The following TCF7L2 variants were observed in gnomAD, a reference collection of about 807,000 sequenced individuals.
TCF7L2 encodes the protein transcription factor 7 like 2, also known as transcription factor 7-like 2.
In TCF7L2, 23 loss-of-function variants were observed where a neutral mutation model predicts 77.9. That is an observed-to-expected ratio of 0.30 (90% CI 0.21 to 0.42). TCF7L2 has a LOEUF of 0.42. Among genes scored for constraint, TCF7L2 ranks in the 10% least tolerant of loss-of-function variants. TCF7L2 has a pLI of 1.00. For synonymous variants in TCF7L2, 413 were observed against 340.2 expected, an observed-to-expected ratio of 1.21 and a Z score of -2.36; for missense variants, 654 against 793.1, an observed-to-expected ratio of 0.82 and a Z score of 2.11.
At chr10:113,103,429 G>A (rs2061891326) in intron 5 of TCF7L2, among the ~76,000 whole-genome samples, 1 of 152,016 alleles carries the variant, frequency 6.6e-6, no homozygotes, top group Non-Finnish European at 1.5e-5. Flanking sequence ...TTCTACAATT[G>A]TTACCACCCA....
chr10:112,967,539 C>T (rs959966053), intron 4 of TCF7L2, among the ~76,000 whole-genome samples: 3 of 152,178 alleles, frequency 2.0e-5, no homozygotes, highest in Admixed American at 2.0e-4. Flanking sequence ...TTGACAGCCT[C>T]CTAGCTCCCC....
At chr10:113,160,379 T>G (rs1355634342) in intron 12 of TCF7L2, among the ~76,000 whole-genome samples, 2 of 152,140 alleles carry the variant, frequency 1.3e-5, no homozygotes, top group Non-Finnish European at 2.9e-5. Context: ...ATTTATTTTT[T>G]CATTGTTGTT....
chr10:113,142,476 G>T (rs1453022747), intron 6 of TCF7L2, among the ~76,000 whole-genome samples: 1 of 152,228 alleles, frequency 6.6e-6, no homozygotes, highest in Non-Finnish European at 1.5e-5. Context: ...GCTACCCAGT[G>T]TGTTGGTAGG....
At position 113,142,218 on chromosome 10, in the gene TCF7L2, T is replaced by G. The variant is rs2068509600; in HGVS notation, c.685+902T>G. ...CAGGTTTTCACCATGCTGGCCAGGC[T>G]GGTCTCGAACTCCTGACCACCTCGG... On this transcript the variant is annotated intron_variant, in intron 6 of 13. Transcript: ENST00000627217. Among the ~76,000 whole-genome samples the G allele has an allele frequency of 2.0e-5, 3 of 152,274 alleles. No individual in the cohort carries two copies. The South Asian group carries it at 6.2e-4, about 32-fold the overall frequency.
In TCF7L2 at chr10:113,079,556, A is replaced by T. The variant is rs188074178; in HGVS notation, c.552+39430A>T. On this transcript the variant is annotated intron_variant, in intron 5 of 13. Transcript: ENST00000627217. ...TGTTTCACTTTACAAAGTGGGGGGAACCCTCAACAATCTTTAAGAGATCCC... is the reference window on the plus strand; with the variant it reads ...TGTTTCACTTTACAAAGTGGGGGGATCCCTCAACAATCTTTAAGAGATCCC... Among the ~76,000 whole-genome samples the T allele has an allele frequency of 1.4e-4, 22 of 152,244 alleles. No homozygotes were observed. In the East Asian group the frequency reaches 4.3e-3, roughly 29 times the overall value.
chr10:113,026,791 G>T, intron 4 of TCF7L2, among the ~76,000 whole-genome samples: 1 of 152,302 alleles, frequency 6.6e-6, no homozygotes, highest in East Asian at 1.9e-4. Context: ...TGTGGTCAGA[G>T]CTGGTTGGGA....
intron 3 of TCF7L2, among the ~76,000 whole-genome samples, chr10:112,956,609 T>C (rs2033674815): frequency 6.6e-6 from 1 of 152,116 alleles, no homozygotes; most frequent in Admixed American, 6.5e-5. Flanking sequence ...TGTAAGTAAA[T>C]CTTCAACTCT....
chr10:113,091,972 T>C (rs1178997360), intron 5 of TCF7L2, among the ~76,000 whole-genome samples: 1 of 152,194 alleles, frequency 6.6e-6, no homozygotes. Context: ...TAGCTGTTCA[T>C]TCTGGCTATT....
rs369811726 is a variant in TCF7L2, at chr10:113,143,939, G to A, written c.702G>A (p.Pro234=). 6.0e-5 allele frequency: 96 copies of A among 1,613,082 alleles called. No homozygotes were observed. In the Admixed American group the frequency reaches 1.3e-3, roughly 22 times the overall value. ...TTCCCTCAGGAATCCCACGGCCTCC[G>A]CACCCTCCAGATATATCCCCGTATT... The change falls in exon 7 of 14, where the codon CCG becomes CCA. Residue 234 remains proline, a synonymous_variant. Transcript: ENST00000627217.
chr10:112,986,772 C>G (rs2041623018), intron 4 of TCF7L2, among the ~76,000 whole-genome samples: 1 of 152,132 alleles, frequency 6.6e-6, no homozygotes, highest in South Asian at 2.1e-4. Context: ...TGTTTGAGAA[C>G]CCCACTTAAG....
rs149157119 is a variant in TCF7L2, at chr10:112,955,807, C to T, written c.381+4200C>T. The stretch of plus-strand genomic sequence containing the variant: ...AGATCAAGAATGCTGTTCTGTTTGC[C>T]GTGCTGGATCGCTGCAGTTCTGCAC... On this transcript the variant is annotated intron_variant, in intron 3 of 13. Transcript: ENST00000627217. 1.3e-3 allele frequency among the ~76,000 whole-genome samples: 197 copies of T among 152,144 alleles called. 2 individuals are homozygous for T. The highest frequency in any genetic ancestry group is 4.3e-3 in the African/African-American group (180 of 41,506).
chr10:113,121,603 C>T (rs763552669), intron 5 of TCF7L2, among the ~76,000 whole-genome samples: 4 of 152,108 alleles, frequency 2.6e-5, no homozygotes, highest in Non-Finnish European at 5.9e-5. Context: ...AAAACACTAA[C>T]ACAAAGTTAC....
intron 5 of TCF7L2, among the ~76,000 whole-genome samples, chr10:113,107,046 C>T (rs2062419687): frequency 6.6e-6 from 1 of 152,208 alleles, no homozygotes; most frequent in East Asian, 1.9e-4. Context: ...CCTTAGCACT[C>T]CCATGTCCTG....
At chr10:113,004,040 C>T (rs941674420) in intron 4 of TCF7L2, among the ~76,000 whole-genome samples, 15 of 152,208 alleles carry the variant, frequency 9.9e-5, no homozygotes, top group Non-Finnish European at 7.3e-5. Flanking sequence ...ACTGAAGAAA[C>T]AGAGCCCTAG....
intron 4 of TCF7L2, among the ~76,000 whole-genome samples, chr10:112,971,215 A>C (rs1418052395): frequency 6.6e-6 from 1 of 152,242 alleles, no homozygotes; most frequent in Non-Finnish European, 1.5e-5. Context: ...TAATATTTAA[A>C]TTCTAGTGAT....
intron 3 of TCF7L2, among the ~76,000 whole-genome samples, chr10:112,960,024 TAAAACTGA>T (rs2034667623): frequency 6.6e-6 from 1 of 151,898 alleles, no homozygotes; most frequent in African/African-American, 2.4e-5. Flanking sequence ...AGGTGATTCA[TAAAACTGA>T]AAATAAAGTA....
chr10:112,962,551 G>C (rs571728477), intron 3 of TCF7L2, among the ~76,000 whole-genome samples: 11 of 152,088 alleles, frequency 7.2e-5, no homozygotes, highest in Non-Finnish European at 1.5e-4. Flanking sequence ...TAGGGACAAA[G>C]GGTGCAAAGT....
chr10:112,997,555 C>A (rs35676242), intron 4 of TCF7L2, among the ~76,000 whole-genome samples: 4,836 of 152,284 alleles, frequency 0.032, 89 homozygotes, highest in Middle Eastern at 0.048. Flanking sequence ...CCTTACTGGG[C>A]AGTAAGCTGT....
chr10:113,129,321 G>C, intron 5 of TCF7L2: 1 of 986,526 alleles, frequency 1.0e-6, no homozygotes. Flanking sequence ...CCTCATGGCT[G>C]ACCGTAATTT....
Sources: gnomAD v4.1 joint callset for allele counts (sites outside exome capture counted in the v4.1 genomes callset) on GRCh38, gnomAD v4.1.1 for gene constraint, MANE v1.5 for transcripts, NCBI Gene and HGNC (gene_info 2026-07-23, HGNC 2026-07-21) for gene names.